The following RANBP10 variants were observed in gnomAD, a reference collection of about 807,000 sequenced individuals.
The protein encoded by RANBP10 is ran-binding protein 10.
In RANBP10, 24 loss-of-function variants were observed where a neutral mutation model predicts 72.8. The observed-to-expected ratio is 0.33, with a 90% CI of 0.24 to 0.46. The LOEUF is 0.46. RANBP10 is among the 20% of genes least tolerant of loss of function. RANBP10 has a pLI of 1.00. For missense variants in RANBP10, 679 were observed against 817.5 expected, an observed-to-expected ratio of 0.83 and a Z score of 2.07; for synonymous variants, 310 against 322.3, an observed-to-expected ratio of 0.96 and a Z score of 0.41.
In RANBP10 at chr16:67,765,524, T is replaced by A. The variant is rs1443126469; in HGVS notation, c.400+6510A>T. On this transcript the variant is annotated intron_variant, in intron 3 of 13. Transcript: ENST00000317506. ...CTTGGGCAACAAGAGCAAAACTCCA[T>A]CTCAAAAAAATAAATAAATAAATTA... Among the ~76,000 whole-genome samples, 2 of 151,730 alleles carry A rather than the reference T, an allele frequency of 1.3e-5. 1 individual carries two copies. The highest frequency in any genetic ancestry group is 4.8e-5 in the African/African-American group (2 of 41,288).
intron 3 of RANBP10, among the ~76,000 whole-genome samples, chr16:67,762,901 A>T (rs2143010400): frequency 6.6e-6 from 1 of 152,366 alleles, no homozygotes; most frequent in East Asian, 1.9e-4. Context: ...GGTAAATGTG[A>T]AAGACACACA....
At chr16:67,761,702 T>G (rs1490880757) in intron 3 of RANBP10, among the ~76,000 whole-genome samples, 1 of 152,166 alleles carries the variant, frequency 6.6e-6, no homozygotes, top group Non-Finnish European at 1.5e-5. Context: ...CCTGAGTAGC[T>G]GGGACTACAG....
chr16:67,795,276 A>C (rs1406685503), intron 2 of RANBP10, among the ~76,000 whole-genome samples: 1 of 151,866 alleles, frequency 6.6e-6, no homozygotes, highest in African/African-American at 2.4e-5. Flanking sequence ...GCGGTGGTCC[A>C]CACCTATAAT....
intron 3 of RANBP10, among the ~76,000 whole-genome samples, chr16:67,752,540 A>G (rs974748368): frequency 1.6e-4 from 24 of 152,190 alleles, no homozygotes; most frequent in African/African-American, 5.1e-4. Flanking sequence ...TATTCTGGTA[A>G]GGGGTCTGCC....
intron 4 of RANBP10, chr16:67,738,914 C>T (rs1422936199): frequency 1.3e-5 from 2 of 152,152 alleles, no homozygotes; most frequent in African/African-American, 4.8e-5. Context: ...CCCTTCAGAC[C>T]TGATACTTCT....
At position 67,725,224 on chromosome 16, in the gene RANBP10, G is replaced by A. The variant is rs1325532664; in HGVS notation, c.*1204C>T. On this transcript the variant is annotated 3_prime_UTR_variant, in exon 14 of 14. Coordinates refer to ENST00000317506, the MANE Select transcript of RANBP10 (RefSeq NM_020850.3). ...GGGAGCTGTCTGGCACAGTGGCAGT[G>A]AAGTCTGGCCTAGGGGACCAAGGAT... 1 of 152,560 alleles carries A rather than the reference G, an allele frequency of 6.6e-6. No homozygotes were observed. The highest frequency in any genetic ancestry group is 1.5e-5 in the Non-Finnish European group (1 of 68,116). The allele number at this position is 152,560 out of a possible 1,614,324, so 9.5% of individuals were successfully genotyped here.
chr16:67,735,356 G>A (rs1175429883), intron 5 of RANBP10, among the ~76,000 whole-genome samples: 1 of 152,174 alleles, frequency 6.6e-6, no homozygotes, highest in Non-Finnish European at 1.5e-5. Context: ...AAATGGGCTG[G>A]GCTCCACGAC....
intron 6 of RANBP10, 112 bp from the exon 7 acceptor site, chr16:67,731,696 G>A (rs544457137): frequency 2.8e-6 from 2 of 707,586 alleles, no homozygotes; most frequent in South Asian, 3.7e-5. Flanking sequence ...ACACGTCCTG[G>A]AGGTGTAACC....
chr16:67,801,947 G>A (rs1039109355), intron 2 of RANBP10, among the ~76,000 whole-genome samples: 1 of 151,790 alleles, frequency 6.6e-6, no homozygotes, highest in African/African-American at 2.4e-5. Context: ...ATAAGAAAAT[G>A]AGCCAAGCAT....
At chr16:67,751,677 A>G (rs2054199854) in intron 3 of RANBP10, among the ~76,000 whole-genome samples, 2 of 152,160 alleles carry the variant, frequency 1.3e-5, no homozygotes, top group Middle Eastern at 3.4e-3. Flanking sequence ...GTACTTTGGG[A>G]GGCTGAGATG....
chr16:67,743,675 C>G (rs1030838531), intron 4 of RANBP10, among the ~76,000 whole-genome samples: 1 of 152,200 alleles, frequency 6.6e-6, no homozygotes, highest in East Asian at 1.9e-4. Flanking sequence ...CCAAGCCCTG[C>G]AGGGCCACAT....
intron 2 of RANBP10, among the ~76,000 whole-genome samples, chr16:67,779,460 G>A (rs2054772584): frequency 6.6e-6 from 1 of 150,846 alleles, no homozygotes; most frequent in African/African-American, 2.4e-5. Flanking sequence ...CCAAGAATGA[G>A]ACAAAAATAA....
intron 2 of RANBP10, among the ~76,000 whole-genome samples, chr16:67,799,803 C>A (rs2055202911): frequency 6.6e-6 from 1 of 152,048 alleles, no homozygotes; most frequent in South Asian, 2.1e-4. Context: ...CCGGTGGGGC[C>A]TCATGCCTGT....
intron 3 of RANBP10, among the ~76,000 whole-genome samples, chr16:67,750,877 C>T (rs940434549): frequency 1.3e-5 from 2 of 151,690 alleles, no homozygotes; most frequent in African/African-American, 4.8e-5. Flanking sequence ...CGCCATTCTC[C>T]TGCCTTAGCC....
Position 67,730,561 on chromosome 16 carries a change from T to C in RANBP10, c.890-515A>G, listed in dbSNP as rs1294673753. 1.3e-5 allele frequency among the ~76,000 whole-genome samples: 2 copies of C among 152,220 alleles called. No individual in the cohort carries two copies. Among genetic ancestry groups the C allele is most frequent in the African/African-American group, 2.4e-5 (1 of 41,466 alleles). On this transcript the variant is annotated intron_variant, in intron 7 of 13. Coordinates refer to ENST00000317506, the MANE Select transcript of RANBP10 (RefSeq NM_020850.3). The surrounding 1 kb of genome is among the most constrained non-coding windows in gnomAD (Gnocchi z 4.3). Reference sequence around the variant, plus strand: ...CTGCTGGGAGAGGAGGCCATCCTCCTCATGCTGGCACCTCTGATGTTGACA... The same window carrying C: ...CTGCTGGGAGAGGAGGCCATCCTCCCCATGCTGGCACCTCTGATGTTGACA...
At chr16:67,788,413 C>A (rs538000282) in intron 2 of RANBP10, among the ~76,000 whole-genome samples, 1 of 151,166 alleles carries the variant, frequency 6.6e-6, no homozygotes, top group Non-Finnish European at 1.5e-5. Flanking sequence ...CCACCATGCC[C>A]GGCTAATTTT....
chr16:67,769,640 G>A (rs182460596), intron 3 of RANBP10, among the ~76,000 whole-genome samples: 4 of 148,268 alleles, frequency 2.7e-5, no homozygotes, highest in East Asian at 2.0e-4. Context: ...CAGCTACTCC[G>A]GAGGCTGAGG....
At chr16:67,795,288 C>G (rs1463468757) in intron 2 of RANBP10, among the ~76,000 whole-genome samples, 1 of 151,036 alleles carries the variant, frequency 6.6e-6, no homozygotes, top group Non-Finnish European at 1.5e-5. Context: ...ACCTATAATC[C>G]CAGCACTTTG....
intron 3 of RANBP10, among the ~76,000 whole-genome samples, chr16:67,750,903 A>T (rs886923735): frequency 6.6e-6 from 1 of 151,440 alleles, no homozygotes; most frequent in Non-Finnish European, 1.5e-5. Context: ...AGTAGCTGGG[A>T]CTACAGGCAC....
Sources: gnomAD v4.1 joint callset for allele counts (sites outside exome capture counted in the v4.1 genomes callset) on GRCh38, gnomAD v4.1.1 for gene constraint, Gnocchi (gnomAD v3.1) non-coding constraint, MANE v1.5 for transcripts, NCBI Gene and HGNC (gene_info 2026-07-23, HGNC 2026-07-21) for gene names.